WDR3: variants seen among roughly 807,000 people sequenced by gnomAD.
WDR3 encodes WD repeat domain 3, also known as WD repeat-containing protein 3.
In WDR3, 81 loss-of-function variants were observed where a neutral mutation model predicts 123.7. That is an observed-to-expected ratio of 0.65 (90% confidence interval 0.55 to 0.79). WDR3 has a LOEUF of 0.79. Ranked by LOEUF, WDR3 falls within the 30% of genes least tolerant of loss-of-function variation. The probability of loss-of-function intolerance (pLI) is 0.00; values close to 1 mark genes in which losing one functional copy is unlikely to be tolerated. For synonymous variants in WDR3, 390 were observed against 388.8 expected (o/e 1.00, Z -0.04); for missense variants, 1,027 against 1,123.2 (o/e 0.91, Z 1.22).
chr1:117,933,583 A>T, intron 2 of WDR3, 93 bp downstream of exon 2: 1 of 1,540,670 alleles, frequency 6.5e-7, no homozygotes, highest in Non-Finnish European at 8.9e-7. Flanking sequence ...ATTTATCATG[A>T]GTTTTTTTGT....
In WDR3 at chr1:117,938,552, G is replaced by T; in HGVS notation, c.573G>T (p.Arg191=). Residue 191 remains arginine, a synonymous_variant, in exon 5 of 27, where the codon CGG becomes CGT. Coordinates refer to ENST00000349139, the MANE Select transcript of WDR3 (RefSeq NM_006784.3). ...QHCFKTMVGH[R]TEVWGLVLLS... ...GCTTTAAAACAATGGTTGGCCACCG[G>T]ACTGAGGTAAGTGTAGGGTCATGGG... is the stretch of plus-strand genomic sequence containing the variant. The T allele has an allele frequency of 1.2e-6, 2 of 1,613,150 alleles. No homozygotes were observed. The highest frequency in any genetic ancestry group is 2.2e-5 in the South Asian group (2 of 91,012).
At position 117,963,772 on chromosome 1, in the gene WDR3, CA is replaced by C; in HGVS notation, c.*4328del. Reference sequence around the variant, plus strand: ...ACCTCAAATTTGAATGCTTGACAATCAAATTCCCATTTATTACTTACTGTAC... The same window carrying C: ...ACCTCAAATTTGAATGCTTGACAATCAATTCCCATTTATTACTTACTGTAC... On this transcript the variant is annotated 3_prime_UTR_variant, in exon 27 of 27. Transcript: ENST00000349139. The C allele has an allele frequency of 6.3e-7, 1 of 1,589,080 alleles. No individual in the cohort carries two copies. Among genetic ancestry groups the C allele is most frequent in the Non-Finnish European group, 8.6e-7 (1 of 1,165,360 alleles).
chr1:117,956,271 G>C lies in WDR3; in HGVS notation c.2454-797G>C, dbSNP rs1465333067. Among the ~76,000 whole-genome samples the C allele has an allele frequency of 3.9e-5, 6 of 152,130 alleles. No individual in the cohort carries two copies. In the East Asian group the frequency reaches 1.2e-3, roughly 29 times the overall value. ...GACCAAAAGTTTGAGACCAGCCTGGGCACCATACTTTATTTTCTTTGTCAT... is the reference window on the plus strand; with the variant it reads ...GACCAAAAGTTTGAGACCAGCCTGGCCACCATACTTTATTTTCTTTGTCAT... On this transcript the variant is annotated intron_variant, in intron 24 of 26. Transcript: ENST00000349139.
chr1:117,950,212 C>T lies in WDR3; in HGVS notation c.1746+82C>T, dbSNP rs374900067. 5.9e-6 allele frequency: 9 copies of T among 1,533,966 alleles called. No individual in the cohort carries two copies. In the South Asian group the frequency reaches 6.1e-5, roughly 10 times the overall value. On this transcript the variant is annotated intron_variant, in intron 15 of 26. Transcript: ENST00000349139. ...TTGGGTTGAGGCTATAAAGAAGTGG[C>T]CTTGACTGTGCCCAGCGATAGTACA...
In WDR3 at chr1:117,950,013, C is replaced by G. The variant is rs761956578; in HGVS notation, c.1629C>G (p.Thr543=). 2 of 1,613,736 alleles carry G rather than the reference C, an allele frequency of 1.2e-6. No individual in the cohort carries two copies. Among genetic ancestry groups the G allele is most frequent in the Non-Finnish European group, 1.7e-6 (2 of 1,179,882 alleles). Residue 543 remains threonine, a synonymous_variant, in exon 15 of 27, where the codon ACC becomes ACG. Coordinates refer to ENST00000349139, the MANE Select transcript of WDR3 (RefSeq NM_006784.3). ...STQKRLSVKQ[T]RTLQLDEDVL... ...GTGCTAGACTTTCTGTGAAGCAAAC[C>G]CGAACTTTGCAACTAGATGAAGATG... is the stretch of plus-strand genomic sequence containing the variant.
intron 4 of WDR3, 65 bp from the exon 5 acceptor site, chr1:117,938,415 C>T (rs562873413): frequency 1.9e-5 from 25 of 1,297,382 alleles, no homozygotes; most frequent in Non-Finnish European, 2.3e-5. Flanking sequence ...AGTTTTGGAT[C>T]TCCCTATTCG....
At chr1:117,948,650 G>C in intron 13 of WDR3, 144 bp downstream of exon 13, 1 of 484,408 alleles carries the variant, frequency 2.1e-6, no homozygotes, top group Non-Finnish European at 3.5e-6. Flanking sequence ...TCTTATAAAT[G>C]ACCACCTGTC....
At chr1:117,944,038 A>G (rs1014003656) in intron 11 of WDR3, among the ~76,000 whole-genome samples, 2 of 152,136 alleles carry the variant, frequency 1.3e-5, no homozygotes, top group Non-Finnish European at 2.9e-5. Flanking sequence ...GCTAATGATC[A>G]TATCTCCCAC....
rs1553208171 is a variant in WDR3, at chr1:117,960,142, G to GTGTA, written c.*698_*699insATGT. 2 of 141,754 alleles carry GTGTA rather than the reference G, an allele frequency of 1.4e-5. No homozygotes were observed. Among genetic ancestry groups the GTGTA allele is most frequent in the Non-Finnish European group, 3.1e-5 (2 of 65,358 alleles). The allele number at this position is 141,754 out of a possible 1,614,324, so 8.8% of individuals were successfully genotyped here. A position where few individuals can be genotyped will look rare whatever the true frequency, so the allele number is the denominator to read the frequency against. On this transcript the variant is annotated 3_prime_UTR_variant, in exon 27 of 27. Transcript: ENST00000349139. ...TGTGTGTGTGTGTGTGTGTGTGTGT[G>GTGTA]TGTGTATGTGTATGTGTATGTACAC...
In WDR3 at chr1:117,957,165, C is replaced by T. The variant is rs373284358; in HGVS notation, c.2551C>T (p.Leu851Phe). ...EFIQLGSDVELICRCLFFLLR... is the reference protein window; with the variant it reads ...EFIQLGSDVEFICRCLFFLLR... ...CATTCAGCTGGGCTCTGATGTTGAA[C>T]TTATATGCCGGTGCCTCTTCTTCCT... is the stretch of plus-strand genomic sequence containing the variant. The change falls in exon 25 of 27, where the codon CTT becomes TTT. Residue 851 changes from leucine (L) to phenylalanine (F), a missense_variant. Coordinates refer to ENST00000349139, the MANE Select transcript of WDR3 (RefSeq NM_006784.3). The T allele has an allele frequency of 6.2e-6, 10 of 1,612,046 alleles. No individual in the cohort carries two copies. Among genetic ancestry groups the T allele is most frequent in the Admixed American group, 1.7e-5 (1 of 59,658 alleles).
At chr1:117,935,583 A>G (rs1650916734) in intron 3 of WDR3, among the ~76,000 whole-genome samples, 3 of 152,060 alleles carry the variant, frequency 2.0e-5, no homozygotes, top group African/African-American at 7.2e-5. Flanking sequence ...ATTACTTATA[A>G]AACAGTCCTT....
At position 117,943,285 on chromosome 1, in the gene WDR3, G is replaced by A. The variant is rs1651244461; in HGVS notation, c.1098-111G>A. The A allele has an allele frequency of 5.3e-6, 5 of 939,034 alleles. No individual in the cohort carries two copies. The South Asian group carries it at 8.6e-5, about 16-fold the overall frequency. The allele number at this position is 939,034 out of a possible 1,614,324, so 58.2% of individuals were successfully genotyped here. A position where few individuals can be genotyped will look rare whatever the true frequency, so the allele number is the denominator to read the frequency against. ...ACTCTTACTTGAAAAATTGTTTATA[G>A]TTATTCAAACTTTATATAGATAGAG... is the stretch of plus-strand genomic sequence containing the variant. On this transcript the variant is annotated intron_variant, in intron 10 of 26. Transcript: ENST00000349139.
chr1:117,964,195 G>T lies in WDR3; in HGVS notation c.*4748G>T. 12 of 251,904 alleles carry T rather than the reference G, an allele frequency of 4.8e-5. No homozygotes were observed. Among genetic ancestry groups the T allele is most frequent in the Non-Finnish European group, 7.0e-5 (9 of 129,144 alleles). The allele number at this position is 251,904 out of a possible 1,614,324, so 15.6% of individuals were successfully genotyped here. On this transcript the variant is annotated 3_prime_UTR_variant, in exon 27 of 27. Transcript: ENST00000349139. ...ACTGGCTTTCTATAAGGAGCCATCA[G>T]TATGGTCAAGCCCCAAACCATATCT...
chr1:117,934,676 G>C lies in WDR3; in HGVS notation c.375G>C (p.Gly125=). ...YDQLGGRLAS[G]SKDTDIIVWD... ...AGCTAGGAGGCAGACTGGCATCTGG[G>C]TCCAAGGTGAGCCTTTGAATCAGCC... Residue 125 remains glycine, a synonymous_variant, in exon 3 of 27, where the codon GGG becomes GGC. Transcript: ENST00000349139. 6.2e-7 allele frequency: 1 copy of C among 1,613,032 alleles called. No homozygotes were observed. Among genetic ancestry groups the C allele is most frequent in the Non-Finnish European group, 8.5e-7 (1 of 1,179,834 alleles).
intron 22 of WDR3, 147 bp from the exon 23 acceptor site, chr1:117,954,433 T>C: frequency 2.7e-6 from 2 of 733,076 alleles, no homozygotes; most frequent in Non-Finnish European, 4.4e-6. Flanking sequence ...AACTAACAGG[T>C]TTGATAATTC....
In WDR3 at chr1:117,963,897, A is replaced by T; in HGVS notation, c.*4450A>T. On this transcript the variant is annotated 3_prime_UTR_variant, in exon 27 of 27. Coordinates refer to ENST00000349139, the MANE Select transcript of WDR3 (RefSeq NM_006784.3). ...ATTGGATTTTCTTTTCCCTGGGGAAAGTCTTTTGGTCGTTTATCATAATTG... is the reference window on the plus strand; with the variant it reads ...ATTGGATTTTCTTTTCCCTGGGGAATGTCTTTTGGTCGTTTATCATAATTG... 6.2e-7 allele frequency: 1 copy of T among 1,613,982 alleles called. No individual in the cohort carries two copies. The highest frequency in any genetic ancestry group is 8.5e-7 in the Non-Finnish European group (1 of 1,179,910).
intron 1 of WDR3, among the ~76,000 whole-genome samples, chr1:117,932,607 T>C (rs1650773928): frequency 6.6e-6 from 1 of 152,176 alleles, no homozygotes. Flanking sequence ...TGGTAGGTTT[T>C]CAATAGATAT....
chr1:117,940,813 T>G lies in WDR3; in HGVS notation c.676-14T>G. ...TACTATTTCAGCTTTTATTTTCTCATTTTTATAAAACAGATTGAAGACCCG... is the reference window on the plus strand; with the variant it reads ...TACTATTTCAGCTTTTATTTTCTCAGTTTTATAAAACAGATTGAAGACCCG... On this transcript the variant is annotated splice_polypyrimidine_tract_variant and intron_variant, in intron 6 of 26. Coordinates refer to ENST00000349139, the MANE Select transcript of WDR3 (RefSeq NM_006784.3). The G allele has an allele frequency of 6.3e-7, 1 of 1,591,158 alleles. No homozygotes were observed. The highest frequency in any genetic ancestry group is 8.5e-7 in the Non-Finnish European group (1 of 1,169,718).
At chr1:117,958,708 C>T (rs918479620) in intron 25 of WDR3, among the ~76,000 whole-genome samples, 13 of 149,288 alleles carry the variant, frequency 8.7e-5, no homozygotes, top group African/African-American at 3.0e-4. Flanking sequence ...AGGTTTAGGA[C>T]AGTATTTTTT....
Sources: gnomAD v4.1 joint callset for allele counts (sites outside exome capture counted in the v4.1 genomes callset) on GRCh38, gnomAD v4.1.1 for gene constraint, MANE v1.5 for transcripts, NCBI Gene and HGNC (gene_info 2026-07-23, HGNC 2026-07-21) for gene names.